The following PRKCB variants were observed in gnomAD, a reference collection of about 807,000 sequenced individuals.
The protein encoded by PRKCB is protein kinase C beta.
Under a neutral mutation model 81.5 loss-of-function variants are expected in PRKCB, and 13 were observed. The ratio of observed to expected loss-of-function variants is 0.16; its 90% CI spans 0.10 to 0.25. PRKCB has a LOEUF of 0.25. PRKCB is among the 10% of genes least tolerant of loss of function. The pLI is 1.00. For missense variants in PRKCB, 509 were observed against 875.7 expected (o/e 0.58, Z 5.29); for synonymous variants, 335 against 321.4 (o/e 1.04, Z -0.45).
At position 24,174,620 on chromosome 16, in the gene PRKCB, C is replaced by T. The variant is rs534522663; in HGVS notation, c.1394+40C>T. 6 of 1,533,726 alleles carry T rather than the reference C, an allele frequency of 3.9e-6. No homozygotes were observed. The Admixed American group carries it at 1.0e-4, about 26-fold the overall frequency. The stretch of plus-strand genomic sequence containing the variant: ...CTGTACTTTCCATCTCTTCATCTCC[C>T]TCAGCTCCTCCCTGCCCTGCCTCTT... On this transcript the variant is annotated intron_variant, in intron 12 of 16. Coordinates refer to ENST00000643927, the MANE Select transcript of PRKCB (RefSeq NM_002738.7).
At chr16:23,977,556 T>C (rs971389019) in intron 2 of PRKCB, among the ~76,000 whole-genome samples, 5 of 151,950 alleles carry the variant, frequency 3.3e-5, no homozygotes, top group Admixed American at 3.3e-4. Flanking sequence ...AAAACTGAAG[T>C]AGGGAATATC....
intron 5 of PRKCB, among the ~76,000 whole-genome samples, chr16:24,045,329 C>G (rs1009751111): frequency 7.2e-5 from 11 of 152,148 alleles, no homozygotes; most frequent in African/African-American, 2.4e-4. Flanking sequence ...TAGCTTCCAT[C>G]TTGTGTAGCA....
chr16:23,983,681 TC>T (rs1261401075), intron 2 of PRKCB, among the ~76,000 whole-genome samples: 2 of 152,150 alleles, frequency 1.3e-5, no homozygotes, highest in Non-Finnish European at 2.9e-5. Flanking sequence ...TTTATCCCCT[TC>T]TGTCTCCAAA....
intron 3 of PRKCB, among the ~76,000 whole-genome samples, chr16:24,011,274 G>A (rs574640354): frequency 9.9e-5 from 15 of 152,232 alleles, no homozygotes; most frequent in African/African-American, 3.1e-4. Flanking sequence ...AAGCATTTCT[G>A]GCATTTGCTT....
chr16:23,988,482 T>C (rs1380713906), intron 2 of PRKCB, 26 bp from the exon 3 acceptor site: 47 of 1,605,078 alleles, frequency 2.9e-5, no homozygotes, highest in Non-Finnish European at 4.0e-5. Flanking sequence ...CTTCCCTTCC[T>C]CCCACCCTGA....
intron 3 of PRKCB, among the ~76,000 whole-genome samples, chr16:24,021,910 A>G (rs541243317): frequency 7.2e-5 from 11 of 152,344 alleles, no homozygotes; most frequent in Non-Finnish European, 1.3e-4. Context: ...TAAAAGTCAC[A>G]TTCGACGGTT....
chr16:24,013,656 G>A (rs948060693), intron 3 of PRKCB, among the ~76,000 whole-genome samples: 53 of 151,980 alleles, frequency 3.5e-4, no homozygotes, highest in Non-Finnish European at 2.1e-4. Flanking sequence ...GTTGGCATCC[G>A]TTGTTTGATC....
chr16:23,893,617 T>C (rs753538715), intron 2 of PRKCB: 11 of 152,244 alleles, frequency 7.2e-5, no homozygotes, highest in Non-Finnish European at 1.3e-4. Context: ...ATTCCAGTAT[T>C]TTCCCATGCA....
In PRKCB at chr16:24,177,308, G is replaced by A. The variant is rs150003377; in HGVS notation, c.1394+2728G>A. ...TAAAATTAAAAGATTAGCATTTCAG[G>A]TGCTAAGATGATACCTATTCCAAAG... On this transcript the variant is annotated intron_variant, in intron 12 of 16. Coordinates refer to ENST00000643927, the MANE Select transcript of PRKCB (RefSeq NM_002738.7). 3.4e-3 allele frequency among the ~76,000 whole-genome samples: 519 copies of A among 152,258 alleles called. 6 individuals carry two copies. Among genetic ancestry groups the A allele is most frequent in the South Asian group, 0.024 (118 of 4,830 alleles).
intron 5 of PRKCB, among the ~76,000 whole-genome samples, chr16:24,081,398 A>G (rs1966247752): frequency 6.6e-6 from 1 of 152,190 alleles, no homozygotes; most frequent in Non-Finnish European, 1.5e-5. Context: ...TCAGCACACT[A>G]GAAATAGAAG....
At chr16:24,077,687 C>G (rs943921608) in intron 5 of PRKCB, among the ~76,000 whole-genome samples, 1 of 152,228 alleles carries the variant, frequency 6.6e-6, no homozygotes, top group Admixed American at 6.5e-5. Flanking sequence ...AAGGAGGAAG[C>G]ATTCATCTGC....
intron 2 of PRKCB, among the ~76,000 whole-genome samples, chr16:23,847,377 TGTC>T (rs1962392341): frequency 1.5e-4 from 1 of 6,542 alleles, no homozygotes. Context: ...TCTATCTATC[TGTC>T]CATCTATCTA....
At chr16:24,165,366 T>C (rs1460883628) in intron 10 of PRKCB, among the ~76,000 whole-genome samples, 1 of 152,244 alleles carries the variant, frequency 6.6e-6, no homozygotes, top group Non-Finnish European at 1.5e-5. Context: ...GATTAGGGTT[T>C]GAATTAGTTG....
chr16:24,003,909 A>G (rs573881247), intron 3 of PRKCB, among the ~76,000 whole-genome samples: 2 of 152,346 alleles, frequency 1.3e-5, no homozygotes, highest in Admixed American at 6.5e-5. Context: ...GCTATTACCT[A>G]GTAAAGTTGG....
chr16:24,193,097 CT>C (rs1164601227), intron 16 of PRKCB, among the ~76,000 whole-genome samples: 1 of 151,892 alleles, frequency 6.6e-6, no homozygotes, highest in African/African-American at 2.4e-5. Flanking sequence ...GTAGCTGGGA[CT>C]ACAGGAGTGT....
At chr16:24,063,063 G>A (rs1432148493) in intron 5 of PRKCB, among the ~76,000 whole-genome samples, 2 of 151,932 alleles carry the variant, frequency 1.3e-5, no homozygotes, top group African/African-American at 2.4e-5. Context: ...GTATCAGAAG[G>A]CCCCTTCTCT....
chr16:24,161,756 G>A (rs56999054), intron 10 of PRKCB, among the ~76,000 whole-genome samples: 4,706 of 152,198 alleles, frequency 0.031, 254 homozygotes, highest in African/African-American at 0.11. Flanking sequence ...TTTAAAGTGG[G>A]CATAATCAGG....
At chr16:24,213,514 T>C (rs914359811) in intron 16 of PRKCB, among the ~76,000 whole-genome samples, 1 of 152,132 alleles carries the variant, frequency 6.6e-6, no homozygotes, top group Non-Finnish European at 1.5e-5. Flanking sequence ...ATTGGGAAGA[T>C]TAAATAAGGT....
At chr16:24,032,550 G>A (rs991522007) in intron 4 of PRKCB, among the ~76,000 whole-genome samples, 1 of 152,238 alleles carries the variant, frequency 6.6e-6, no homozygotes, top group African/African-American at 2.4e-5. Flanking sequence ...AGCAGATGGA[G>A]GTGGGCTGGG....
Sources: allele counts gnomAD v4.1 joint callset (sites outside exome capture counted in the v4.1 genomes callset), GRCh38; gene constraint gnomAD v4.1.1; transcripts MANE v1.5; gene names NCBI Gene and HGNC (gene_info 2026-07-23, HGNC 2026-07-21).